The following PTPRD variants were observed in gnomAD, a reference collection of about 807,000 sequenced individuals.
The protein encoded by PTPRD is protein tyrosine phosphatase receptor type D.
A neutral mutation model predicts 214.5 loss-of-function variants in PTPRD; 34 were observed. The ratio of observed to expected loss-of-function variants is 0.16; its 90% CI spans 0.12 to 0.21. The LOEUF (loss-of-function observed/expected upper bound fraction) is 0.21, where lower values mean the gene tolerates loss of function less well. Among genes scored for constraint, PTPRD ranks in the 10% least tolerant of loss-of-function variants. The pLI is 1.00. For synonymous variants in PTPRD, 1,128 were observed against 845.7 expected, an observed-to-expected ratio of 1.33 and a Z score of -5.79; for missense variants, 2,545 against 2,398.7, an observed-to-expected ratio of 1.06 and a Z score of -1.27.
chr9:8,882,534 TG>T (rs1361282939), intron 11 of PTPRD, among the ~76,000 whole-genome samples: 1 of 152,152 alleles, frequency 6.6e-6, no homozygotes, highest in African/African-American at 2.4e-5. Flanking sequence ...TACTCACATT[TG>T]TAGCATCTTT....
intron 5 of PTPRD, among the ~76,000 whole-genome samples, chr9:9,858,642 T>A (rs575181261): frequency 6.6e-6 from 1 of 152,284 alleles, no homozygotes; most frequent in South Asian, 2.1e-4. Context: ...ATTATTAGTA[T>A]AGGTAAACAA....
At chr9:9,083,727 T>G (rs1237782123) in intron 10 of PTPRD, among the ~76,000 whole-genome samples, 1 of 151,884 alleles carries the variant, frequency 6.6e-6, no homozygotes, top group African/African-American at 2.4e-5. Context: ...AACAACCTCA[T>G]TAAAAGTGGG....
intron 14 of PTPRD, among the ~76,000 whole-genome samples, chr9:8,601,574 GC>G (rs1477686239): frequency 6.6e-6 from 1 of 152,136 alleles, no homozygotes. Flanking sequence ...AGAAAGTAAG[GC>G]AAGAGAACAA....
At chr9:10,530,500 G>C (rs979450392) in intron 2 of PTPRD, among the ~76,000 whole-genome samples, 9 of 152,044 alleles carry the variant, frequency 5.9e-5, no homozygotes, top group African/African-American at 2.2e-4. Context: ...ACCACGTTTT[G>C]AATGCTAAGT....
At chr9:8,844,409 T>C (rs897005481) in intron 11 of PTPRD, among the ~76,000 whole-genome samples, 1 of 152,216 alleles carries the variant, frequency 6.6e-6, no homozygotes, top group Non-Finnish European at 1.5e-5. Flanking sequence ...CACATTTACA[T>C]TCCTTTTACT....
At chr9:10,536,655 G>A (rs903129621) in intron 2 of PTPRD, among the ~76,000 whole-genome samples, 13 of 152,014 alleles carry the variant, frequency 8.6e-5, no homozygotes, top group African/African-American at 1.4e-4. Flanking sequence ...CACACTCCAC[G>A]CTGATAAGCA....
intron 2 of PTPRD, among the ~76,000 whole-genome samples, chr9:10,492,985 A>C (rs1222177097): frequency 6.6e-6 from 1 of 152,074 alleles, no homozygotes; most frequent in African/African-American, 2.4e-5. Context: ...TAATAAGAGA[A>C]CTCCCATTCA....
chr9:9,761,798 T>A (rs2098659738), intron 6 of PTPRD, among the ~76,000 whole-genome samples: 1 of 152,148 alleles, frequency 6.6e-6, no homozygotes, highest in African/African-American at 2.4e-5. Context: ...TCTGTATTTC[T>A]ACATAAACTG....
intron 2 of PTPRD, among the ~76,000 whole-genome samples, chr9:10,445,774 C>T (rs1402961627): frequency 6.6e-6 from 1 of 151,978 alleles, no homozygotes; most frequent in East Asian, 1.9e-4. Context: ...ACCAGAAGCA[C>T]AGGCATAATG....
intron 5 of PTPRD, among the ~76,000 whole-genome samples, chr9:9,862,464 A>G (rs961445338): frequency 2.0e-5 from 3 of 152,200 alleles, no homozygotes; most frequent in African/African-American, 7.2e-5. Flanking sequence ...CAAAACAAAA[A>G]GCCATCTTCC....
At chr9:10,171,305 G>A (rs556737493) in intron 3 of PTPRD, among the ~76,000 whole-genome samples, 3 of 152,038 alleles carry the variant, frequency 2.0e-5, no homozygotes, top group East Asian at 3.9e-4. Context: ...TTTAATCACG[G>A]GGGTGGTTTC....
chr9:8,591,682 G>T (rs972264909), intron 14 of PTPRD, among the ~76,000 whole-genome samples: 4 of 152,160 alleles, frequency 2.6e-5, no homozygotes, highest in Admixed American at 2.0e-4. Context: ...AAATTACCAA[G>T]TCTGAGAGTA....
chr9:8,551,412 A>C (rs1035401400), intron 14 of PTPRD, among the ~76,000 whole-genome samples: 1 of 152,190 alleles, frequency 6.6e-6, no homozygotes, highest in Non-Finnish European at 1.5e-5. Flanking sequence ...TTCAACAATC[A>C]AAACCCTTAT....
chr9:10,264,675 G>C (rs917436522), intron 3 of PTPRD, among the ~76,000 whole-genome samples: 3 of 152,054 alleles, frequency 2.0e-5, no homozygotes, highest in Non-Finnish European at 4.4e-5. Context: ...TTGGACTGTT[G>C]AGTTAATGCC....
chr9:9,614,163 T>A (rs2094710227), intron 7 of PTPRD, among the ~76,000 whole-genome samples: 1 of 151,716 alleles, frequency 6.6e-6, no homozygotes, highest in Admixed American at 6.6e-5. Flanking sequence ...ATAAAGAAAT[T>A]AGAGGAAGGA....
intron 11 of PTPRD, among the ~76,000 whole-genome samples, chr9:8,968,509 T>C (rs2099214527): frequency 6.6e-6 from 1 of 152,136 alleles, no homozygotes; most frequent in African/African-American, 2.4e-5. Flanking sequence ...TCGCCAGTGA[T>C]GATAAGCATT....
At chr9:9,647,630 C>T (rs1300468008) in intron 7 of PTPRD, among the ~76,000 whole-genome samples, 1 of 152,162 alleles carries the variant, frequency 6.6e-6, no homozygotes, top group South Asian at 2.1e-4. Flanking sequence ...TCAGGGGAAG[C>T]CTGTTTTCCC....
intron 3 of PTPRD, among the ~76,000 whole-genome samples, chr9:10,135,997 T>C (rs1476601992): frequency 6.7e-6 from 1 of 149,224 alleles, no homozygotes; most frequent in Non-Finnish European, 1.5e-5. Context: ...ACCCACGTCA[T>C]ATGTAATGAC....
chr9:9,068,614 A>C (rs555217354), intron 10 of PTPRD, among the ~76,000 whole-genome samples: 1 of 151,706 alleles, frequency 6.6e-6, no homozygotes, highest in South Asian at 2.1e-4. Flanking sequence ...TTTTACAAAA[A>C]ATTTTCTTTT....
Sources: allele counts gnomAD v4.1 joint callset (sites outside exome capture counted in the v4.1 genomes callset), GRCh38; gene constraint gnomAD v4.1.1; transcripts MANE v1.5; gene names NCBI Gene and HGNC (gene_info 2026-07-23, HGNC 2026-07-21).